The following MGAT4C variants were observed in gnomAD, a reference collection of about 807,000 sequenced individuals.
MGAT4C encodes the protein MGAT4 family member C.
In MGAT4C, 19 loss-of-function variants were observed where a neutral mutation model predicts 40.1. That is an observed-to-expected ratio of 0.47 (90% CI 0.33 to 0.70). The LOEUF is 0.70. Among genes scored for constraint, MGAT4C ranks in the 30% least tolerant of loss-of-function variants. MGAT4C has a pLI of 0.02. For missense variants in MGAT4C, 491 were observed against 563.2 expected (o/e 0.87, Z 1.30); for synonymous variants, 181 against 187.1 (o/e 0.97, Z 0.27).
intron 2 of MGAT4C, among the ~76,000 whole-genome samples, chr12:86,508,170 C>A (rs1440700576): frequency 6.6e-6 from 1 of 152,058 alleles, no homozygotes; most frequent in African/African-American, 2.4e-5. Context: ...AACTCGTCAT[C>A]TAGCATTAGG....
At chr12:86,802,089 C>T (rs528051736) in intron 1 of MGAT4C, among the ~76,000 whole-genome samples, 1 of 151,906 alleles carries the variant, frequency 6.6e-6, no homozygotes, top group Non-Finnish European at 1.5e-5. Context: ...TAGTTATTCT[C>T]TAAAGTATAA....
At chr12:86,576,334 G>A (rs1960557531) in intron 2 of MGAT4C, among the ~76,000 whole-genome samples, 1 of 151,704 alleles carries the variant, frequency 6.6e-6, no homozygotes, top group Non-Finnish European at 1.5e-5. Context: ...TTTTTAATCT[G>A]GTGTGATTCC....
intron 1 of MGAT4C, among the ~76,000 whole-genome samples, chr12:86,062,437 G>T (rs565254917): frequency 6.6e-6 from 1 of 152,140 alleles, no homozygotes; most frequent in Non-Finnish European, 1.5e-5. Context: ...GTGCAAAAAG[G>T]CTGAAAATTC....
At chr12:86,832,469 A>G (rs1042741467) in intron 1 of MGAT4C, among the ~76,000 whole-genome samples, 1 of 151,858 alleles carries the variant, frequency 6.6e-6, no homozygotes, top group East Asian at 1.9e-4. Context: ...TCCTAAAAAG[A>G]TAAGTCACAT....
At chr12:86,782,173 T>C (rs1176958439) in intron 1 of MGAT4C, among the ~76,000 whole-genome samples, 1 of 65,986 alleles carries the variant, frequency 1.5e-5, no homozygotes. Context: ...TTTTTTGTAT[T>C]TTTTTTTTTT....
intron 1 of MGAT4C, among the ~76,000 whole-genome samples, chr12:86,149,265 T>C (rs1042295238): frequency 6.6e-6 from 1 of 152,288 alleles, no homozygotes; most frequent in Admixed American, 6.5e-5. Flanking sequence ...TTCATATATT[T>C]AGTTGGGTTT....
rs142194753 is a variant in MGAT4C at position 86,765,209 on chromosome 12, C to T, written c.-261-37968G>A. 3.6e-3 allele frequency among the ~76,000 whole-genome samples: 546 copies of T among 152,092 alleles called. 2 individuals are homozygous for T. The highest frequency in any genetic ancestry group is 0.012 in the African/African-American group (495 of 41,472). On this transcript the variant is annotated intron_variant, in intron 1 of 7. Transcript: ENST00000548651. ...GCTGAAAGCCAAGGCTCGAGAACTA[C>T]GTGAAGAATGCAGAAGCCTCAGGAG...
At chr12:86,523,716 G>C (rs1249286020) in intron 2 of MGAT4C, among the ~76,000 whole-genome samples, 1 of 152,132 alleles carries the variant, frequency 6.6e-6, no homozygotes, top group East Asian at 1.9e-4. Flanking sequence ...TTGTGCAGGA[G>C]TTTAAGTCTC....
intron 4 of MGAT4C, among the ~76,000 whole-genome samples, chr12:86,293,366 G>C (rs1251821932): frequency 6.6e-6 from 1 of 152,040 alleles, no homozygotes. Context: ...TAATGAGCTG[G>C]TCTTTCCAAG....
At chr12:85,997,260 T>C (rs1886732558) in intron 2 of MGAT4C, among the ~76,000 whole-genome samples, 2 of 152,192 alleles carry the variant, frequency 1.3e-5, no homozygotes, top group African/African-American at 4.8e-5. Flanking sequence ...CCTGCCTCTG[T>C]GATTCAATTA....
chr12:86,130,406 C>T (rs1031675827), intron 1 of MGAT4C, among the ~76,000 whole-genome samples: 1 of 151,820 alleles, frequency 6.6e-6, no homozygotes, highest in Non-Finnish European at 1.5e-5. Context: ...AAGCAACATA[C>T]GTTTTGGAAT....
Position 85,973,222 on chromosome 12 carries a change from T to G in MGAT4C, c.*6067A>C, listed in dbSNP as rs1001081315. On this transcript the variant is annotated 3_prime_UTR_variant, in exon 5 of 5. Coordinates refer to ENST00000611864, the MANE Select transcript of MGAT4C (RefSeq NM_001351288.2). ...CCTACGTCTCTTCCAGAACTTCGAG[T>G]GCACTATAAATTAAATATTTAAAAT... 1 of 150,748 alleles carries G rather than the reference T, an allele frequency of 6.6e-6. No individual in the cohort carries two copies. The highest frequency in any genetic ancestry group is 1.5e-5 in the Non-Finnish European group (1 of 67,022). The allele number at this position is 150,748 out of a possible 1,614,324, so 9.3% of individuals were successfully genotyped here. A position where few individuals can be genotyped will look rare whatever the true frequency, so the allele number is the denominator to read the frequency against.
At chr12:86,546,917 T>C (rs1959196395) in intron 2 of MGAT4C, among the ~76,000 whole-genome samples, 1 of 151,928 alleles carries the variant, frequency 6.6e-6, no homozygotes, top group South Asian at 2.1e-4. Context: ...ACAGAGTGGG[T>C]TGAGCCCATG....
At chr12:86,474,562 C>A (rs1207347618) in intron 2 of MGAT4C, among the ~76,000 whole-genome samples, 3 of 151,990 alleles carry the variant, frequency 2.0e-5, no homozygotes, top group African/African-American at 4.8e-5. Flanking sequence ...TAAACCTCCC[C>A]CTTGACTAGA....
chr12:86,051,541 G>C (rs1892891176), intron 1 of MGAT4C, among the ~76,000 whole-genome samples: 1 of 151,620 alleles, frequency 6.6e-6, no homozygotes, highest in South Asian at 2.1e-4. Context: ...TAAATAAAAA[G>C]TAATTAAGCA....
At chr12:86,001,132 C>T (rs1207438511) in intron 2 of MGAT4C, among the ~76,000 whole-genome samples, 2 of 152,102 alleles carry the variant, frequency 1.3e-5, no homozygotes, top group African/African-American at 4.8e-5. Context: ...AATTTCTCAC[C>T]CACCACTATC....
intron 2 of MGAT4C, among the ~76,000 whole-genome samples, chr12:86,452,703 T>C (rs776052886): frequency 3.9e-5 from 6 of 152,100 alleles, no homozygotes; most frequent in Non-Finnish European, 5.9e-5. Flanking sequence ...TTAGTAGATA[T>C]TGAAATGATC....
At chr12:86,249,006 T>C (rs1952157786) in intron 1 of MGAT4C, among the ~76,000 whole-genome samples, 1 of 152,118 alleles carries the variant, frequency 6.6e-6, no homozygotes, top group African/African-American at 2.4e-5. Flanking sequence ...ACAATGCTTA[T>C]TGTTTTCTTT....
At chr12:86,710,636 T>C (rs1230701009) in intron 2 of MGAT4C, among the ~76,000 whole-genome samples, 4 of 152,056 alleles carry the variant, frequency 2.6e-5, no homozygotes, top group African/African-American at 4.8e-5. Context: ...GGAGATTCCT[T>C]AAAGAACTAA....
Sources: gnomAD v4.1 joint callset for allele counts (sites outside exome capture counted in the v4.1 genomes callset) on GRCh38, gnomAD v4.1.1 for gene constraint, MANE v1.5 for transcripts, NCBI Gene and HGNC (gene_info 2026-07-23, HGNC 2026-07-21) for gene names.